Variants in TMEM217B observed in about 807,000 individuals in gnomAD.
The protein encoded by TMEM217B is transmembrane protein 217B.
the TMEM217B span, among the ~76,000 whole-genome samples, chr6:37,224,673 C>T: frequency 3.3e-5 from 5 of 151,906 alleles, no homozygotes; most frequent in Non-Finnish European, 7.4e-5. Flanking sequence ...CCAGGCTGGT[C>T]TCAAACTCCT....
chr6:37,216,026 T>TGA, the TMEM217B span, among the ~76,000 whole-genome samples: 6 of 105,914 alleles, frequency 5.7e-5, no homozygotes, highest in Admixed American at 2.0e-4. Context: ...TGTGTGTGTG[T>TGA]GTGTGTGAGA....
chr6:37,231,501 C>T, the TMEM217B span, among the ~76,000 whole-genome samples: 2 of 149,970 alleles, frequency 1.3e-5, no homozygotes, highest in African/African-American at 2.4e-5. Flanking sequence ...GGTGAAACCT[C>T]GTCTTCACTA....
chr6:37,218,825 A>C, the TMEM217B span: 2 of 1,614,204 alleles, frequency 1.2e-6, no homozygotes, highest in Non-Finnish European at 1.7e-6. Flanking sequence ...AGACAGGAAG[A>C]GGACGATTTT....
the TMEM217B span, among the ~76,000 whole-genome samples, chr6:37,241,914 A>C: frequency 6.6e-6 from 1 of 152,100 alleles, no homozygotes; most frequent in Non-Finnish European, 1.5e-5. Context: ...CTAACACAAG[A>C]GATGGCTTTA....
chr6:37,257,013 T>C, the TMEM217B span, among the ~76,000 whole-genome samples: 2 of 152,192 alleles, frequency 1.3e-5, no homozygotes, highest in African/African-American at 4.8e-5. Flanking sequence ...AGGATGTTGG[T>C]GGGGCCGGGA....
chr6:37,218,793 A>G, the TMEM217B span: 1 of 1,614,240 alleles, frequency 6.2e-7, no homozygotes, highest in East Asian at 2.2e-5. Context: ...AGGAGGAAGC[A>G]GCTGATGAGG....
chr6:37,215,153 C>A, the TMEM217B span: 1 of 1,603,178 alleles, frequency 6.2e-7, no homozygotes, highest in South Asian at 1.1e-5. Context: ...CCCTTTCTGC[C>A]GCTAGCCAAG....
At chr6:37,237,665 A>C in the TMEM217B span, among the ~76,000 whole-genome samples, 1 of 152,244 alleles carries the variant, frequency 6.6e-6, no homozygotes, top group East Asian at 1.9e-4. Flanking sequence ...AAACTGCTAC[A>C]TATTTGCACA....
the TMEM217B span, among the ~76,000 whole-genome samples, chr6:37,235,232 T>A: frequency 6.6e-6 from 1 of 152,236 alleles, no homozygotes; most frequent in Admixed American, 6.5e-5. Context: ...TTGGAAGTGA[T>A]TCCAATTCCA....
the TMEM217B span, among the ~76,000 whole-genome samples, chr6:37,252,450 GACAT>G: frequency 6.6e-6 from 1 of 151,458 alleles, no homozygotes; most frequent in African/African-American, 2.4e-5. Flanking sequence ...ACCCCTGGTT[GACAT>G]ACATACATAC....
the TMEM217B span, among the ~76,000 whole-genome samples, chr6:37,238,763 GACTT>G: frequency 6.6e-6 from 1 of 152,232 alleles, no homozygotes; most frequent in Non-Finnish European, 1.5e-5. Context: ...GAAAGGGAGA[GACTT>G]ACTTTTTACA....
chr6:37,230,484 A>G, the TMEM217B span, among the ~76,000 whole-genome samples: 1 of 152,198 alleles, frequency 6.6e-6, no homozygotes, highest in Non-Finnish European at 1.5e-5. Flanking sequence ...AGAGGTAATT[A>G]AGTTAAAATT....
At chr6:37,251,492 T>C in the TMEM217B span, among the ~76,000 whole-genome samples, 2 of 152,256 alleles carry the variant, frequency 1.3e-5, no homozygotes, top group Non-Finnish European at 2.9e-5. Context: ...GGGAACGATA[T>C]ATTGCAGTTA....
chr6:37,247,588 A>T, the TMEM217B span, among the ~76,000 whole-genome samples: 1 of 152,034 alleles, frequency 6.6e-6, no homozygotes, highest in Non-Finnish European at 1.5e-5. Context: ...GGGTTTCACC[A>T]TGTTGGCCAG....
chr6:37,232,951 C>A, the TMEM217B span, among the ~76,000 whole-genome samples: 12 of 152,210 alleles, frequency 7.9e-5, no homozygotes, highest in African/African-American at 2.9e-4. Flanking sequence ...AGACTGTTCT[C>A]ACTTTATACT....
At chr6:37,230,595 G>A in the TMEM217B span, among the ~76,000 whole-genome samples, 1 of 152,020 alleles carries the variant, frequency 6.6e-6, no homozygotes, top group Admixed American at 6.6e-5. Context: ...ATGGCGCAGG[G>A]GTGGTGAGGG....
the TMEM217B span, among the ~76,000 whole-genome samples, chr6:37,242,570 G>A: frequency 6.6e-6 from 1 of 152,164 alleles, no homozygotes; most frequent in African/African-American, 2.4e-5. Flanking sequence ...AGGGAAACCA[G>A]CCCCAGCTTG....
the TMEM217B span, among the ~76,000 whole-genome samples, chr6:37,246,384 A>G: frequency 6.6e-6 from 1 of 152,148 alleles, no homozygotes; most frequent in Non-Finnish European, 1.5e-5. Flanking sequence ...TGCTCTTCTC[A>G]TAGTGCAGGC....
the TMEM217B span, among the ~76,000 whole-genome samples, chr6:37,240,493 TGAGA>T: frequency 2.7e-5 from 4 of 149,748 alleles, no homozygotes; most frequent in Admixed American, 2.0e-4. Context: ...GAGTAAGTGA[TGAGA>T]GAGAGAGAGA....
Sources: allele counts gnomAD v4.1 joint callset (sites outside exome capture counted in the v4.1 genomes callset), GRCh38; gene constraint gnomAD v4.1.1; transcripts MANE v1.5; gene names NCBI Gene and HGNC (gene_info 2026-07-23, HGNC 2026-07-21).